Variants in ALG10B observed in about 807,000 individuals in gnomAD.
ALG10B encodes dol-P-Glc:Glc(2)Man(9)GlcNAc(2)-PP-Dol alpha-1,2-glucosyltransferase B.
ALG10B carries 27 observed loss-of-function variants against 38.7 expected under a neutral mutation model. That is an observed-to-expected ratio of 0.70 (90% CI 0.51 to 0.96). ALG10B has a LOEUF of 0.96. Among genes scored for constraint, ALG10B ranks in the 40% least tolerant of loss-of-function variants. The pLI is 0.00. For missense variants in ALG10B, 522 were observed against 542.7 expected (o/e 0.96, Z 0.38); for synonymous variants, 177 against 193.3 (o/e 0.92, Z 0.70).
rs1261768670 is a variant in ALG10B, at chr12:38,329,506, CTTATTT to C, written c.*8297_*8302del. Reference sequence around the variant, plus strand: ...AAAATTCTCTGTGGAATCACAATCTCTTATTTTTAAGAATGTAGGAATATGTGTTCT... The same window carrying C: ...AAAATTCTCTGTGGAATCACAATCTCTTAAGAATGTAGGAATATGTGTTCT... On this transcript the variant is annotated 3_prime_UTR_variant, in exon 3 of 3. Transcript: ENST00000308742. 1 of 306,112 alleles carries C rather than the reference CTTATTT, an allele frequency of 3.3e-6. No homozygotes were observed. The highest frequency in any genetic ancestry group is 5.9e-6 in the Non-Finnish European group (1 of 169,362). The allele number at this position is 306,112 out of a possible 1,614,324, so 19.0% of individuals were successfully genotyped here.
At position 38,326,310 on chromosome 12, in the gene ALG10B, G is replaced by A. The variant is rs969922303; in HGVS notation, c.*5097G>A. 3 of 151,792 alleles carry A rather than the reference G, an allele frequency of 2.0e-5. No individual in the cohort carries two copies. The highest frequency in any genetic ancestry group is 4.4e-5 in the Non-Finnish European group (3 of 67,960). The allele number at this position is 151,792 out of a possible 1,614,324, so 9.4% of individuals were successfully genotyped here. On this transcript the variant is annotated 3_prime_UTR_variant, in exon 3 of 3. Coordinates refer to ENST00000308742, the MANE Select transcript of ALG10B (RefSeq NM_001013620.4). ...TGTGGCCCAGGGAAGCCAAAAGATTGGAGACCCCTGCTAGCATTTAATGCT... is the reference window on the plus strand; with the variant it reads ...TGTGGCCCAGGGAAGCCAAAAGATTAGAGACCCCTGCTAGCATTTAATGCT...
At chr12:38,318,191 G>C (rs1281350871) in intron 1 of ALG10B, 70 bp from the exon 2 acceptor site, 1 of 1,580,158 alleles carries the variant, frequency 6.3e-7, no homozygotes, top group Non-Finnish European at 8.7e-7. Flanking sequence ...TGAGACTTGG[G>C]CTTGACATAT....
chr12:38,319,250 T>A (rs1393186180), intron 2 of ALG10B, among the ~76,000 whole-genome samples: 2 of 151,876 alleles, frequency 1.3e-5, no homozygotes, highest in Non-Finnish European at 2.9e-5. Flanking sequence ...CAGAGCTGAG[T>A]CCTGATGAAC....
Position 38,322,325 on chromosome 12 carries a change from T to C in ALG10B, c.*1112T>C, listed in dbSNP as rs1328321017. 1.3e-5 allele frequency: 2 copies of C among 152,188 alleles called. No individual in the cohort carries two copies. Among genetic ancestry groups the C allele is most frequent in the Non-Finnish European group, 2.9e-5 (2 of 68,028 alleles). 9.4% of individuals were successfully genotyped at this position (152,188 alleles called of 1,614,324 possible). ...TTGTGTCTGGAGACCCTTAATTATGTTTACAAAGACCCATGTTCCAAGTAA... is the reference window on the plus strand; with the variant it reads ...TTGTGTCTGGAGACCCTTAATTATGCTTACAAAGACCCATGTTCCAAGTAA... On this transcript the variant is annotated 3_prime_UTR_variant, in exon 3 of 3. Coordinates refer to ENST00000308742, the MANE Select transcript of ALG10B (RefSeq NM_001013620.4).
chr12:38,321,259 C>A lies in ALG10B; in HGVS notation c.*46C>A, dbSNP rs1945702958. 1 of 1,570,062 alleles carries A rather than the reference C, an allele frequency of 6.4e-7. No individual in the cohort carries two copies. The highest frequency in any genetic ancestry group is 8.7e-7 in the Non-Finnish European group (1 of 1,149,620). On this transcript the variant is annotated 3_prime_UTR_variant, in exon 3 of 3. Transcript: ENST00000308742. ...GTAAAAATGGACTTAATAATTAGACCATTTCTACAAAGAACAACTGAATAG... is the reference window on the plus strand; with the variant it reads ...GTAAAAATGGACTTAATAATTAGACAATTTCTACAAAGAACAACTGAATAG...
rs763505692 is a variant in ALG10B, at chr12:38,324,952, T to C, written c.*3739T>C. The C allele has an allele frequency of 3.9e-5, 6 of 152,218 alleles. No homozygotes were observed. The highest frequency in any genetic ancestry group is 9.6e-5 in the African/African-American group (4 of 41,474). 9.4% of individuals were successfully genotyped at this position (152,218 alleles called of 1,614,324 possible). A position where few individuals can be genotyped will look rare whatever the true frequency, so the allele number is the denominator to read the frequency against. ...ACTAAAGTCTGTGAGTATGTCTATT[T>C]TGAAAAGTGTCATAAAAATATCTAG... On this transcript the variant is annotated 3_prime_UTR_variant, in exon 3 of 3. Coordinates refer to ENST00000308742, the MANE Select transcript of ALG10B (RefSeq NM_001013620.4).
rs371189234 is a variant in ALG10B, at chr12:38,320,836, G to C, written c.1045G>C (p.Ala349Pro). The change falls in exon 3 of 3, where the codon GCA becomes CCA. Residue 349 changes from alanine (A) to proline (P), a missense_variant. Transcript: ENST00000308742. Reference sequence around the variant, plus strand: ...CACTTATGCTCATAAATACTTGCTAGCAGACAATAGACATTATACTTTCTA... The same window carrying C: ...CACTTATGCTCATAAATACTTGCTACCAGACAATAGACATTATACTTTCTA... ...KFTYAHKYLL[A>P]DNRHYTFYVW... 6.2e-7 allele frequency: 1 copy of C among 1,613,496 alleles called. No individual in the cohort carries two copies. Among genetic ancestry groups the C allele is most frequent in the Non-Finnish European group, 8.5e-7 (1 of 1,179,852 alleles).
rs1017687068 is a variant in ALG10B at position 38,327,329 on chromosome 12, G to T, written c.*6116G>T. On this transcript the variant is annotated 3_prime_UTR_variant, in exon 3 of 3. Transcript: ENST00000308742. ...AATTCAGTTTAGTTGAACCATATAT[G>T]TGTGTGTATGGCATATATAAGATGA... 9 of 152,106 alleles carry T rather than the reference G, an allele frequency of 5.9e-5. No homozygotes were observed. The highest frequency in any genetic ancestry group is 1.9e-4 in the East Asian group (1 of 5,176). 9.4% of individuals were successfully genotyped at this position (152,106 alleles called of 1,614,324 possible).
rs1446454168 is a variant in ALG10B, at chr12:38,324,883, AT to A, written c.*3671del. 1.3e-5 allele frequency: 2 copies of A among 152,206 alleles called. No individual in the cohort carries two copies. Among genetic ancestry groups the A allele is most frequent in the African/African-American group, 4.8e-5 (2 of 41,462 alleles). 9.4% of individuals were successfully genotyped at this position (152,206 alleles called of 1,614,324 possible). A position where few individuals can be genotyped will look rare whatever the true frequency, so the allele number is the denominator to read the frequency against. ...TTAAAATTAGGTGATTATGAAAAAA[AT>A]ATTGCCCTGCTCGAGGGCATCTGGA... On this transcript the variant is annotated 3_prime_UTR_variant, in exon 3 of 3. Coordinates refer to ENST00000308742, the MANE Select transcript of ALG10B (RefSeq NM_001013620.4).
Position 38,325,831 on chromosome 12 carries a change from A to G in ALG10B, c.*4618A>G, listed in dbSNP as rs1346927866. 1.3e-5 allele frequency: 2 copies of G among 152,188 alleles called. No homozygotes were observed. Among genetic ancestry groups the G allele is most frequent in the Non-Finnish European group, 2.9e-5 (2 of 68,022 alleles). 9.4% of individuals were successfully genotyped at this position (152,188 alleles called of 1,614,324 possible). ...TGGTATGTGTATAACCTTATTTTAA[A>G]AAGGATTCATTCCTGCCATATACTC... On this transcript the variant is annotated 3_prime_UTR_variant, in exon 3 of 3. Transcript: ENST00000308742.
rs1192630499 is a variant in ALG10B at position 38,326,218 on chromosome 12, T to G, written c.*5005T>G. On this transcript the variant is annotated 3_prime_UTR_variant, in exon 3 of 3. Coordinates refer to ENST00000308742, the MANE Select transcript of ALG10B (RefSeq NM_001013620.4). ...TATTATTTTATTTTATTTTATTTTA[T>G]TTTTTAGCTCATCAGCTATCATTAG... The G allele has an allele frequency of 3.3e-5, 5 of 151,444 alleles. No individual in the cohort carries two copies. Among genetic ancestry groups the G allele is most frequent in the Admixed American group, 3.3e-4 (5 of 15,222 alleles). 9.4% of individuals were successfully genotyped at this position (151,444 alleles called of 1,614,324 possible).
chr12:38,320,225 T>G lies in ALG10B; in HGVS notation c.434T>G (p.Phe145Cys). 1.2e-6 allele frequency: 2 copies of G among 1,614,048 alleles called. No individual in the cohort carries two copies. The highest frequency in any genetic ancestry group is 1.7e-6 in the Non-Finnish European group (2 of 1,179,920). Residue 145 changes from phenylalanine to cysteine, a missense_variant, in exon 3 of 3, where the codon TTT becomes TGT. Transcript: ENST00000308742. The part of the protein sequence containing the change: ...LTLAVFPTLY[F>C]FNFLYYTEAG... ...CTAGCAGTATTTCCAACACTTTATTTTTTTAACTTCCTTTATTATACAGAA... is the reference window on the plus strand; with the variant it reads ...CTAGCAGTATTTCCAACACTTTATTGTTTTAACTTCCTTTATTATACAGAA...
In ALG10B at chr12:38,320,893, A is replaced by G. The variant is rs1190653581; in HGVS notation, c.1102A>G (p.Ile368Val). The G allele has an allele frequency of 6.2e-6, 10 of 1,613,834 alleles. No homozygotes were observed. Among genetic ancestry groups the G allele is most frequent in the South Asian group, 3.3e-5 (3 of 91,022 alleles). ...VWKRVFQRYA[I>V]LKYLLVPAYI... ...GAAAAGAGTTTTTCAAAGATATGCA[A>G]TTCTGAAATATTTGTTAGTTCCAGC... is the stretch of plus-strand genomic sequence containing the variant. The change falls in exon 3 of 3, where the codon ATT (isoleucine) becomes GTT (valine). Residue 368 changes from isoleucine (I) to valine (V), a missense_variant. By Grantham distance (29) the Ile-to-Val change is conservative (BLOSUM62 3). Transcript: ENST00000308742.
intron 2 of ALG10B, among the ~76,000 whole-genome samples, chr12:38,319,484 G>A (rs114033100): frequency 0.011 from 1,721 of 152,202 alleles, 39 homozygotes; most frequent in African/African-American, 0.039. Context: ...TTTAATCAAG[G>A]AAATGACATG....
Position 38,316,832 on chromosome 12 carries a change from C to A in ALG10B, c.-62C>A. The A allele has an allele frequency of 6.2e-7, 1 of 1,613,328 alleles. No individual in the cohort carries two copies. Among genetic ancestry groups the A allele is most frequent in the South Asian group, 1.1e-5 (1 of 91,032 alleles). On this transcript the variant is annotated 5_prime_UTR_variant, in exon 1 of 3. Transcript: ENST00000308742. ...CCATTTCGAGCCCAAGTTTCCAGCT[C>A]GGGTTTCCGGGCTCAGAATTTTCCA...
At position 38,323,194 on chromosome 12, in the gene ALG10B, A is replaced by C. The variant is rs1945717157; in HGVS notation, c.*1981A>C. The C allele has an allele frequency of 1.3e-5, 2 of 152,138 alleles. No individual in the cohort carries two copies. Among genetic ancestry groups the C allele is most frequent in the Non-Finnish European group, 1.5e-5 (1 of 68,028 alleles). The allele number at this position is 152,138 out of a possible 1,614,324, so 9.4% of individuals were successfully genotyped here. On this transcript the variant is annotated 3_prime_UTR_variant, in exon 3 of 3. Coordinates refer to ENST00000308742, the MANE Select transcript of ALG10B (RefSeq NM_001013620.4). ...CTTTTAAATAACTCTCAGTATCTTT[A>C]CTGAGAGGTTAAAAAATAAGTGACT...
chr12:38,318,579 A>G (rs1304895498), intron 2 of ALG10B, 121 bp downstream of exon 2: 5 of 1,200,538 alleles, frequency 4.2e-6, no homozygotes, highest in African/African-American at 3.1e-5. Flanking sequence ...TATTTTTTGT[A>G]TATTATGTAA....
At position 38,328,490 on chromosome 12, in the gene ALG10B, ATT is replaced by A. The variant is rs1200286227; in HGVS notation, c.*7281_*7282del. The A allele has an allele frequency of 5.6e-4, 85 of 152,134 alleles. No homozygotes were observed. Among genetic ancestry groups the A allele is most frequent in the Admixed American group, 5.6e-3 (85 of 15,272 alleles). The allele number at this position is 152,134 out of a possible 1,614,324, so 9.4% of individuals were successfully genotyped here. A position where few individuals can be genotyped will look rare whatever the true frequency, so the allele number is the denominator to read the frequency against. Reference sequence around the variant, plus strand: ...AAAAGGCTGAGCACTATCTGTAAAAATTTTTAAGGTGTCCACTAGGTGGAGAT... The same window carrying A: ...AAAAGGCTGAGCACTATCTGTAAAAATTTAAGGTGTCCACTAGGTGGAGAT... On this transcript the variant is annotated 3_prime_UTR_variant, in exon 3 of 3. Transcript: ENST00000308742.
rs1411322898 is a variant in ALG10B at position 38,323,146 on chromosome 12, G to A, written c.*1933G>A. ...AGCCAGAAGTGGGATTGTTGGATCA[G>A]GAGATAATATCTTAGCTGATACCTT... On this transcript the variant is annotated 3_prime_UTR_variant, in exon 3 of 3. Coordinates refer to ENST00000308742, the MANE Select transcript of ALG10B (RefSeq NM_001013620.4). 1.3e-5 allele frequency: 2 copies of A among 152,018 alleles called. No homozygotes were observed. The highest frequency in any genetic ancestry group is 2.9e-5 in the Non-Finnish European group (2 of 67,986). 9.4% of individuals were successfully genotyped at this position (152,018 alleles called of 1,614,324 possible).
Sources: gnomAD v4.1 joint callset for allele counts (sites outside exome capture counted in the v4.1 genomes callset) on GRCh38, gnomAD v4.1.1 for gene constraint, MANE v1.5 for transcripts, NCBI Gene and HGNC (gene_info 2026-07-23, HGNC 2026-07-21) for gene names.